The following MRC1 variants were observed in gnomAD, a reference collection of about 807,000 sequenced individuals.
MRC1 encodes the protein macrophage mannose receptor 1.
Under a neutral mutation model 102.9 loss-of-function variants are expected in MRC1, and 62 were observed. The ratio of observed to expected loss-of-function variants is 0.60; its 90% CI spans 0.49 to 0.74. The LOEUF is 0.74. Among genes scored for constraint, MRC1 ranks in the 30% least tolerant of loss-of-function variants. The pLI is 0.00. For missense variants in MRC1, 1,237 were observed against 862.8 expected, an observed-to-expected ratio of 1.43 and a Z score of -5.43; for synonymous variants, 457 against 298.4, an observed-to-expected ratio of 1.53 and a Z score of -5.48.
chr10:17,908,013 G>T (rs1367614711), intron 28 of MRC1, among the ~76,000 whole-genome samples: 1 of 152,212 alleles, frequency 6.6e-6, no homozygotes, highest in Admixed American at 6.5e-5. Flanking sequence ...TGAGGGAAAA[G>T]GTGGTAAAGC....
chr10:17,813,872 G>GT (rs1286748037), intron 1 of MRC1, among the ~76,000 whole-genome samples: 2 of 151,376 alleles, frequency 1.3e-5, no homozygotes, highest in African/African-American at 2.4e-5. Context: ...TAACTTTTGT[G>GT]TTTTTTTGTA....
chr10:17,886,312 CTT>C (rs1589191783), intron 22 of MRC1, among the ~76,000 whole-genome samples: 57 of 150,280 alleles, frequency 3.8e-4, no homozygotes, highest in African/African-American at 1.0e-3. Context: ...TCCTTCCTTC[CTT>C]CCCTCCTTCC....
intron 5 of MRC1, among the ~76,000 whole-genome samples, chr10:17,844,887 G>A (rs1838802265): frequency 6.6e-6 from 1 of 152,138 alleles, no homozygotes; most frequent in Non-Finnish European, 1.5e-5. Flanking sequence ...TTGCATCCAT[G>A]TTGCTGCAAA....
intron 12 of MRC1, among the ~76,000 whole-genome samples, chr10:17,869,259 A>G (rs2130673840): frequency 6.6e-6 from 1 of 152,342 alleles, no homozygotes; most frequent in East Asian, 1.9e-4. Context: ...TAGTTAAGAA[A>G]ATAAAATCTT....
intron 5 of MRC1, among the ~76,000 whole-genome samples, chr10:17,842,795 C>A (rs950507377): frequency 6.6e-6 from 1 of 152,080 alleles, no homozygotes; most frequent in Non-Finnish European, 1.5e-5. Flanking sequence ...AGAAAACTTC[C>A]GGGTTAACTT....
In MRC1 at chr10:17,843,273, G is replaced by A. The variant is rs1179650470; in HGVS notation, c.917-2016G>A. 4.6e-5 allele frequency among the ~76,000 whole-genome samples: 7 copies of A among 152,218 alleles called. 1 individual carries two copies. Among genetic ancestry groups the A allele is most frequent in the African/African-American group, 1.7e-4 (7 of 41,538 alleles). On this transcript the variant is annotated intron_variant, in intron 5 of 29. Transcript: ENST00000569591. ...TTTAGTGCTGATACCTTATCTGTTA[G>A]TTCAGTTATCCTGTTATTTTAGTTA...
intron 27 of MRC1, 70 bp from the exon 28 acceptor site, chr10:17,907,464 A>C: frequency 1.3e-6 from 1 of 777,862 alleles, no homozygotes; most frequent in Non-Finnish European, 2.4e-6. Context: ...ATTTCACATA[A>C]ATTGGCTGAA....
rs961863736 is a variant in MRC1 at position 17,906,050 on chromosome 10, A to C, written c.3800-836A>C. Among the ~76,000 whole-genome samples, 113 of 152,302 alleles carry C rather than the reference A, an allele frequency of 7.4e-4. 1 individual carries two copies. The South Asian group carries it at 0.022, about 29-fold the overall frequency. On this transcript the variant is annotated intron_variant, in intron 26 of 29. Transcript: ENST00000569591. ...AATGTGGGTTGTCACTTCCATAGCC[A>C]TCTAACTGGTCTTTCTGTTTTATTT... is the stretch of plus-strand genomic sequence containing the variant.
At chr10:17,844,827 C>T (rs984238963) in intron 5 of MRC1, among the ~76,000 whole-genome samples, 2 of 152,138 alleles carry the variant, frequency 1.3e-5, no homozygotes. Context: ...GAGAACATGG[C>T]TATTTGGCTT....
intron 26 of MRC1, among the ~76,000 whole-genome samples, chr10:17,904,802 A>G (rs1833875063): frequency 1.3e-5 from 2 of 152,324 alleles, no homozygotes; most frequent in South Asian, 4.1e-4. Context: ...GCCTTGGGCA[A>G]GGGCACACTT....
intron 14 of MRC1, 120 bp from the exon 15 acceptor site, chr10:17,871,862 T>TG: frequency 1.4e-6 from 1 of 695,974 alleles, no homozygotes; most frequent in South Asian, 1.7e-5. Context: ...AAAGCTATTG[T>TG]GAAAAAAAAG....
chr10:17,849,193 T>TCC (rs1838874041), intron 6 of MRC1, among the ~76,000 whole-genome samples: 1 of 151,634 alleles, frequency 6.6e-6, no homozygotes, highest in African/African-American at 2.4e-5. Flanking sequence ...TAGCAGCTAC[T>TCC]TAGGAGGCTG....
chr10:17,894,370 TTTTCTTTCTTTC>T lies in MRC1; in HGVS notation c.3250+74_3250+85del, dbSNP rs1206483130. The T allele has an allele frequency of 1.2e-3, 911 of 778,916 alleles. 15 individuals are homozygous for T. In the African/African-American group the frequency reaches 0.016, roughly 14 times the overall value. 48.3% of individuals were successfully genotyped at this position (778,916 alleles called of 1,614,324 possible). A position where few individuals can be genotyped will look rare whatever the true frequency, so the allele number is the denominator to read the frequency against. ...AGCTGGGGTTTTTTTTTCCCCACTTTTTTCTTTCTTTCTTTCTTTCTTTCTTTTTTTTTTTTT... is the reference window on the plus strand; with the variant it reads ...AGCTGGGGTTTTTTTTTCCCCACTTTTTTCTTTCTTTCTTTTTTTTTTTTT... On this transcript the variant is annotated intron_variant, in intron 23 of 29. Transcript: ENST00000569591.
chr10:17,819,411 CA>C (rs1317181345), intron 1 of MRC1, among the ~76,000 whole-genome samples: 1 of 149,604 alleles, frequency 6.7e-6, no homozygotes, highest in Non-Finnish European at 1.5e-5. Context: ...GGAGTTGGAG[CA>C]AAGAGAATGA....
intron 8 of MRC1, 144 bp from the exon 9 acceptor site, chr10:17,856,098 A>G: frequency 3.0e-6 from 2 of 658,686 alleles, no homozygotes; most frequent in Non-Finnish European, 5.4e-6. Flanking sequence ...TGAACCTGGG[A>G]GGCAGAGGTT....
At chr10:17,906,793 A>C (rs1231554864) in intron 26 of MRC1, 93 bp from the exon 27 acceptor site, 1 of 776,648 alleles carries the variant, frequency 1.3e-6, no homozygotes, top group Non-Finnish European at 2.4e-6. Context: ...TGTTAGGCTG[A>C]TTTTTGTTGC....
chr10:17,876,316 C>T (rs1024602733), intron 17 of MRC1, among the ~76,000 whole-genome samples: 2 of 150,634 alleles, frequency 1.3e-5, no homozygotes, highest in African/African-American at 2.5e-5. Flanking sequence ...GGTGTGACCT[C>T]GGCTCACTGC....
intron 9 of MRC1, among the ~76,000 whole-genome samples, chr10:17,858,256 T>C (rs1259532137): frequency 6.6e-6 from 1 of 152,092 alleles, no homozygotes; most frequent in Non-Finnish European, 1.5e-5. Context: ...TTATTATACT[T>C]TCTCGTGGCC....
intron 22 of MRC1, among the ~76,000 whole-genome samples, chr10:17,892,222 A>G (rs1163325581): frequency 2.0e-5 from 3 of 152,176 alleles, no homozygotes; most frequent in Admixed American, 1.3e-4. Context: ...CTGCACTGTA[A>G]GAATCTGGTA....
Sources: gnomAD v4.1 joint callset for allele counts (sites outside exome capture counted in the v4.1 genomes callset) on GRCh38, gnomAD v4.1.1 for gene constraint, MANE v1.5 for transcripts, NCBI Gene and HGNC (gene_info 2026-07-23, HGNC 2026-07-21) for gene names.